Variants in BAIAP2 observed in about 807,000 individuals in gnomAD.
BAIAP2 encodes the protein BAR/IMD domain containing adaptor protein 2.
BAIAP2 carries 18 observed loss-of-function variants against 63.0 expected under a neutral mutation model. The ratio of observed to expected loss-of-function variants is 0.29; its 90% CI spans 0.20 to 0.42. The LOEUF (loss-of-function observed/expected upper bound fraction) is 0.42, where lower values mean the gene tolerates loss of function less well. Ranked by LOEUF, BAIAP2 falls within the 10% of genes least tolerant of loss-of-function variation. The pLI is 1.00. For missense variants in BAIAP2, 610 were observed against 734.3 expected, an observed-to-expected ratio of 0.83 and a Z score of 1.96; for synonymous variants, 386 against 307.6, an observed-to-expected ratio of 1.25 and a Z score of -2.67.
intron 1 of BAIAP2, among the ~76,000 whole-genome samples, chr17:81,044,365 G>C (rs981751421): frequency 3.9e-5 from 6 of 152,346 alleles, no homozygotes; most frequent in East Asian, 3.9e-4. Flanking sequence ...CCACGTTGGA[G>C]GGGGACCAAC....
intron 1 of BAIAP2, among the ~76,000 whole-genome samples, chr17:81,050,189 C>A (rs1027351142): frequency 6.6e-6 from 1 of 152,216 alleles, no homozygotes; most frequent in African/African-American, 2.4e-5. Context: ...AGGAACTGGC[C>A]CTTCCGCCCG....
intron 1 of BAIAP2, among the ~76,000 whole-genome samples, chr17:81,043,838 T>TGTCCTTCCGTTCGGGAGTTC (rs1214020482): frequency 1.3e-5 from 2 of 152,270 alleles, no homozygotes; most frequent in Admixed American, 6.5e-5. Context: ...GCCGCGCGTC[T>TGTCCTTCCGTTCGGGAGTTC]GTCCTTCCGT....
In BAIAP2 at chr17:81,116,383, C is replaced by G; in HGVS notation, c.*544C>G. ...TGGGGCCTGGTCCCTCCCCATGCCC[C>G]TCGGTGGGGCTCTCCTGGGCCCCTC... On this transcript the variant is annotated 3_prime_UTR_variant, in exon 14 of 14. Coordinates refer to ENST00000428708, the MANE Select transcript of BAIAP2 (RefSeq NM_001144888.2). 3 of 1,558,990 alleles carry G rather than the reference C, an allele frequency of 1.9e-6. No homozygotes were observed. The highest frequency in any genetic ancestry group is 2.6e-6 in the Non-Finnish European group (3 of 1,145,102).
intron 13 of BAIAP2, 146 bp downstream of exon 13, chr17:81,108,655 C>T (rs2059474407): frequency 3.7e-6 from 4 of 1,073,596 alleles, no homozygotes; most frequent in Admixed American, 4.8e-5. Context: ...CCGGGGATGT[C>T]CCTTAGGGCG....
intron 13 of BAIAP2, chr17:81,109,330 C>T (rs1421567476): frequency 1.7e-5 from 19 of 1,139,150 alleles, no homozygotes; most frequent in Admixed American, 5.2e-5. Context: ...TTCTAAGGCT[C>T]GCCGTGAGCC....
Position 81,100,088 on chromosome 17 carries a change from G to A in BAIAP2, c.642+8G>A, listed in dbSNP as rs565014656. The A allele has an allele frequency of 8.7e-6, 14 of 1,607,052 alleles. No homozygotes were observed. Among genetic ancestry groups the A allele is most frequent in the African/African-American group, 4.0e-5 (3 of 74,842 alleles). On this transcript the variant is annotated splice_region_variant and intron_variant, in intron 7 of 13. Coordinates refer to ENST00000428708, the MANE Select transcript of BAIAP2 (RefSeq NM_001144888.2). ...GCGGCCTACCACTCCAAGGTGAGGC[G>A]GCTGGGGGCTGCGCTGTGCCGGCGC... is the stretch of plus-strand genomic sequence containing the variant.
At position 81,070,241 on chromosome 17, in the gene BAIAP2, G is replaced by A. The variant is rs915481503; in HGVS notation, c.217+12274G>A. Among the ~76,000 whole-genome samples, 12 of 152,100 alleles carry A rather than the reference G, an allele frequency of 7.9e-5. No homozygotes were observed. The South Asian group carries it at 1.0e-3, about 13-fold the overall frequency. ...CCCAAAGTGCTGGGATTACAGGCGCGAGCCACCGTGCCTGGCCAGAGGTTG... is the reference window on the plus strand; with the variant it reads ...CCCAAAGTGCTGGGATTACAGGCGCAAGCCACCGTGCCTGGCCAGAGGTTG... On this transcript the variant is annotated intron_variant, in intron 3 of 13. Coordinates refer to ENST00000428708, the MANE Select transcript of BAIAP2 (RefSeq NM_001144888.2).
At position 81,116,083 on chromosome 17, in the gene BAIAP2, T is replaced by C. The variant is rs2060514429; in HGVS notation, c.*244T>C. On this transcript the variant is annotated 3_prime_UTR_variant, in exon 14 of 14. Transcript: ENST00000428708. ...CTGCCCAGGGCTGAGGGGCCGCCTC[T>C]TGAGGGTACACGCCTCTGGTCACAT... is the stretch of plus-strand genomic sequence containing the variant. The C allele has an allele frequency of 2.7e-6, 4 of 1,499,816 alleles. No homozygotes were observed. Among genetic ancestry groups the C allele is most frequent in the South Asian group, 2.6e-5 (2 of 77,544 alleles). The allele number at this position is 1,499,816 out of a possible 1,614,324, so 92.9% of individuals were successfully genotyped here.
At chr17:81,062,987 TC>T (rs1003406487) in intron 3 of BAIAP2, among the ~76,000 whole-genome samples, 2 of 144,858 alleles carry the variant, frequency 1.4e-5, no homozygotes, top group African/African-American at 2.5e-5. Flanking sequence ...CCTGCCGATA[TC>T]TTTCCTGTGG....
intron 6 of BAIAP2, among the ~76,000 whole-genome samples, chr17:81,089,956 C>T (rs1171151986): frequency 1.3e-5 from 2 of 152,160 alleles, no homozygotes; most frequent in East Asian, 1.9e-4. Flanking sequence ...CCTCCCAGGG[C>T]CCCTCCTGGG....
At chr17:81,109,898 G>A (rs1236264753) in intron 13 of BAIAP2, 38 of 985,360 alleles carry the variant, frequency 3.9e-5, no homozygotes, top group Middle Eastern at 5.2e-4. Flanking sequence ...GTGCGGGCCG[G>A]GCCCGGCTGG....
At chr17:81,055,385 C>T (rs1233844744) in intron 2 of BAIAP2, among the ~76,000 whole-genome samples, 1 of 152,046 alleles carries the variant, frequency 6.6e-6, no homozygotes, top group African/African-American at 2.4e-5. Context: ...AGGGAGCTCC[C>T]TTGGGCCACC....
intron 1 of BAIAP2, among the ~76,000 whole-genome samples, chr17:81,043,498 G>A (rs1394135700): frequency 7.2e-5 from 11 of 152,206 alleles, no homozygotes; most frequent in Admixed American, 6.5e-4. Flanking sequence ...CTGTGAAGCT[G>A]GGGTGCTGGG....
rs952780165 is a variant in BAIAP2 at position 81,057,570 on chromosome 17, T to TC, written c.131-305dup. 2.4e-4 allele frequency: 240 copies of TC among 994,226 alleles called. No homozygotes were observed. The African/African-American group carries it at 3.3e-3, about 14-fold the overall frequency. 61.6% of individuals were successfully genotyped at this position (994,226 alleles called of 1,614,324 possible). ...GAAATACAGTTAGTACAACACTCCC[T>TC]CCCCCCGGCCCTGCCTGGTAGCACG... On this transcript the variant is annotated intron_variant, in intron 2 of 13. Transcript: ENST00000428708.
chr17:81,109,497 C>T (rs747614438), intron 13 of BAIAP2: 56 of 985,628 alleles, frequency 5.7e-5, no homozygotes, highest in East Asian at 1.1e-4. Flanking sequence ...CCGACTTCCC[C>T]GGTGCGATGG....
chr17:81,053,593 C>G, intron 1 of BAIAP2, 75 bp from the exon 2 acceptor site: 1 of 1,541,424 alleles, frequency 6.5e-7, no homozygotes, highest in Admixed American at 1.7e-5. Context: ...GGGTTTTCTC[C>G]TCTGTGTTCG....
chr17:81,047,690 C>T (rs1055948478), intron 1 of BAIAP2, among the ~76,000 whole-genome samples: 14 of 151,622 alleles, frequency 9.2e-5, no homozygotes, highest in African/African-American at 2.7e-4. Flanking sequence ...CTCATGCCCA[C>T]AGCACACGCA....
chr17:81,082,111 C>T (rs2054716182), intron 3 of BAIAP2, among the ~76,000 whole-genome samples: 1 of 152,084 alleles, frequency 6.6e-6, no homozygotes, highest in African/African-American at 2.4e-5. Context: ...GCATGACCTA[C>T]CTGTCGTCCC....
chr17:81,081,426 G>T (rs1257205767), intron 3 of BAIAP2, among the ~76,000 whole-genome samples: 2 of 152,126 alleles, frequency 1.3e-5, no homozygotes, highest in East Asian at 3.9e-4. Context: ...GCAGCATCTT[G>T]GCCACCCAGG....
Sources: gnomAD v4.1 joint callset for allele counts (sites outside exome capture counted in the v4.1 genomes callset) on GRCh38, gnomAD v4.1.1 for gene constraint, MANE v1.5 for transcripts, NCBI Gene and HGNC (gene_info 2026-07-23, HGNC 2026-07-21) for gene names.